BBS9: variants seen among roughly 807,000 people sequenced by gnomAD.
BBS9 encodes the protein Bardet-Biedl syndrome 9, also known as protein PTHB1.
In BBS9, 89 loss-of-function variants were observed where a neutral mutation model predicts 117.7. The ratio of observed to expected loss-of-function variants is 0.76; its 90% confidence interval spans 0.64 to 0.90. The LOEUF is 0.90. Among genes scored for constraint, BBS9 ranks in the 40% least tolerant of loss-of-function variants. The pLI is 0.00. For missense variants in BBS9, 982 were observed against 1,042.2 expected (o/e 0.94, Z 0.80); for synonymous variants, 379 against 370.9 (o/e 1.02, Z -0.25).
At chr7:33,481,483 AATATG>A (rs1842505918) in intron 19 of BBS9, among the ~76,000 whole-genome samples, 2 of 152,042 alleles carry the variant, frequency 1.3e-5, no homozygotes, top group South Asian at 2.1e-4. Flanking sequence ...TAAATTATGT[AATATG>A]ATATTATATA....
chr7:33,129,403 C>T (rs1042577865), upstream of BBS9: 36 of 317,088 alleles, frequency 1.1e-4, no homozygotes, highest in South Asian at 7.8e-4. Context: ...AGGACCAGGC[C>T]GTGGTTCACT....
At chr7:33,493,487 C>G (rs1371576865) in intron 19 of BBS9, among the ~76,000 whole-genome samples, 1 of 152,164 alleles carries the variant, frequency 6.6e-6, no homozygotes, top group Non-Finnish European at 1.5e-5. Context: ...TGCCCCAAAC[C>G]TCTCTCCCTG....
rs116959350 is a variant in BBS9 at position 33,381,138 on chromosome 7, T to A, written c.1790-2528T>A. Among the ~76,000 whole-genome samples the A allele has an allele frequency of 3.0e-3, 453 of 152,294 alleles. 3 individuals are homozygous for A. The highest frequency in any genetic ancestry group is 0.029 in the East Asian group (152 of 5,182). On this transcript the variant is annotated intron_variant, in intron 17 of 22. Coordinates refer to ENST00000242067, the MANE Select transcript of BBS9 (RefSeq NM_198428.3). Reference sequence around the variant, plus strand: ...TCTATCATTGTTAATATAGTTCTTATCATGTATTGTGCCCTTTGCATCTCT... The same window carrying A: ...TCTATCATTGTTAATATAGTTCTTAACATGTATTGTGCCCTTTGCATCTCT...
In BBS9 at chr7:33,397,821, A is replaced by T. The variant is rs141473042; in HGVS notation, c.2115+9677A>T. Among the ~76,000 whole-genome samples the T allele has an allele frequency of 8.4e-3, 1,273 of 152,080 alleles. 14 individuals carry two copies. Among genetic ancestry groups the T allele is most frequent in the African/African-American group, 0.029 (1,216 of 41,502 alleles). On this transcript the variant is annotated intron_variant, in intron 19 of 22. Coordinates refer to ENST00000242067, the MANE Select transcript of BBS9 (RefSeq NM_198428.3). ...AACTACACACACTGGGGCCTGTGGG[A>T]GTGGGGTCAGGGGAGGGAGAGCATC...
chr7:33,204,304 G>T (rs1208491586), intron 5 of BBS9, among the ~76,000 whole-genome samples: 1 of 151,046 alleles, frequency 6.6e-6, no homozygotes, highest in Admixed American at 6.6e-5. Context: ...CTACTTGGGA[G>T]GTTGAGGTAG....
intron 19 of BBS9, among the ~76,000 whole-genome samples, chr7:33,493,669 G>A (rs1006088305): frequency 6.6e-6 from 1 of 152,124 alleles, no homozygotes; most frequent in Non-Finnish European, 1.5e-5. Flanking sequence ...CCACTGGGGC[G>A]GATTGGACAA....
intron 19 of BBS9, among the ~76,000 whole-genome samples, chr7:33,433,412 A>G (rs1167841141): frequency 6.6e-6 from 1 of 152,140 alleles, no homozygotes. Flanking sequence ...AGTTGCAATA[A>G]TTTTCCCATA....
rs889472546 is a variant in BBS9, at chr7:33,269,726, GA to G, written c.703-3270del. ...GGGCAACAGAGTGAGACTCCAAATG[GA>G]AAAAAAAAAAAAAAAGGCCAGGCGC... is the stretch of plus-strand genomic sequence containing the variant. On this transcript the variant is annotated intron_variant, in intron 7 of 22. Transcript: ENST00000242067. Among the ~76,000 whole-genome samples, 601 of 110,264 alleles carry G rather than the reference GA, an allele frequency of 5.5e-3. 3 individuals carry two copies. Among genetic ancestry groups the G allele is most frequent in the African/African-American group, 0.01 (301 of 30,098 alleles). The allele number at this position is 110,264 out of a possible 152,430, so 72.3% of individuals were successfully genotyped here. A position where few individuals can be genotyped will look rare whatever the true frequency, so the allele number is the denominator to read the frequency against.
At chr7:33,388,257 A>C in intron 19 of BBS9, 113 bp downstream of exon 19, 1 of 1,259,792 alleles carries the variant, frequency 7.9e-7, no homozygotes, top group Non-Finnish European at 1.1e-6. Flanking sequence ...TGCTTTAAGG[A>C]ACAGTGAACA....
chr7:33,311,875 T>C (rs1809323853), intron 9 of BBS9, among the ~76,000 whole-genome samples: 1 of 152,178 alleles, frequency 6.6e-6, no homozygotes, highest in African/African-American at 2.4e-5. Context: ...ATGGCTATTT[T>C]TTTTCTGACT....
At chr7:33,481,201 A>G (rs1036337664) in intron 19 of BBS9, among the ~76,000 whole-genome samples, 1 of 152,212 alleles carries the variant, frequency 6.6e-6, no homozygotes, top group Non-Finnish European at 1.5e-5. Flanking sequence ...AAGGAAAAAT[A>G]CAAGTTAATG....
intron 1 of BBS9, among the ~76,000 whole-genome samples, chr7:33,140,206 A>G (rs1791224044): frequency 1.3e-5 from 2 of 151,884 alleles, no homozygotes; most frequent in Admixed American, 1.3e-4. Flanking sequence ...TTGTATTTTT[A>G]GTAGAGATGG....
chr7:33,279,091 G>A (rs1206691317), intron 9 of BBS9, among the ~76,000 whole-genome samples: 1 of 152,220 alleles, frequency 6.6e-6, no homozygotes, highest in African/African-American at 2.4e-5. Flanking sequence ...AGGCTGGAAT[G>A]CATTGGCATG....
chr7:33,569,730 C>T (rs950717305), intron 21 of BBS9, among the ~76,000 whole-genome samples: 3 of 152,068 alleles, frequency 2.0e-5, no homozygotes, highest in Non-Finnish European at 2.9e-5. Context: ...CCACTGCACT[C>T]CAGCCTGGGT....
At chr7:33,250,079 T>C (rs1229770546) in intron 5 of BBS9, among the ~76,000 whole-genome samples, 4 of 152,218 alleles carry the variant, frequency 2.6e-5, no homozygotes, top group Non-Finnish European at 5.9e-5. Context: ...TTTTAATAAA[T>C]GGATATAAAT....
At chr7:33,257,495 A>G in intron 6 of BBS9, 85 bp downstream of exon 6, 1 of 1,210,630 alleles carries the variant, frequency 8.3e-7, no homozygotes, top group Admixed American at 1.7e-5. Flanking sequence ...GAGCTTCAAT[A>G]TCACAAATGA....
At chr7:33,274,853 G>C (rs774101929) in intron 9 of BBS9, among the ~76,000 whole-genome samples, 10 of 152,002 alleles carry the variant, frequency 6.6e-5, no homozygotes, top group African/African-American at 2.2e-4. Context: ...AAATTAGCCA[G>C]GTGTGGCGGC....
At chr7:33,617,447 C>T (rs970190649) in intron 21 of BBS9, among the ~76,000 whole-genome samples, 9 of 152,080 alleles carry the variant, frequency 5.9e-5, no homozygotes, top group Non-Finnish European at 1.2e-4. Context: ...GTGCCTCCTT[C>T]TTCAAATGTG....
chr7:33,260,196 T>C (rs947410664), intron 6 of BBS9, among the ~76,000 whole-genome samples: 13 of 152,020 alleles, frequency 8.6e-5, no homozygotes, highest in African/African-American at 2.9e-4. Context: ...GAGACAGGGT[T>C]TCATTGTGTT....
Sources: allele counts gnomAD v4.1 joint callset (sites outside exome capture counted in the v4.1 genomes callset), GRCh38; gene constraint gnomAD v4.1.1; transcripts MANE v1.5; gene names NCBI Gene and HGNC (gene_info 2026-07-23, HGNC 2026-07-21).